Variants in SLC4A4 observed in about 807,000 individuals in gnomAD.
The protein encoded by SLC4A4 is solute carrier family 4 member 4, also known as electrogenic sodium bicarbonate cotransporter 1.
Under a neutral mutation model 111.5 loss-of-function variants are expected in SLC4A4, and 27 were observed. The ratio of observed to expected loss-of-function variants is 0.24; its 90% CI spans 0.18 to 0.33. The LOEUF (loss-of-function observed/expected upper bound fraction) is 0.33. Among genes scored for constraint, SLC4A4 ranks in the 10% least tolerant of loss-of-function variants. The probability of loss-of-function intolerance (pLI) is 1.00; values close to 1 mark genes in which losing one functional copy is unlikely to be tolerated. For synonymous variants in SLC4A4, 443 were observed against 463.4 expected, an observed-to-expected ratio of 0.96 and a Z score of 0.57; for missense variants, 909 against 1,315.5, an observed-to-expected ratio of 0.69 and a Z score of 4.78.
intron 8 of SLC4A4, among the ~76,000 whole-genome samples, chr4:71,446,093 G>A (rs533934368): frequency 2.4e-4 from 36 of 152,110 alleles, no homozygotes; most frequent in African/African-American, 8.2e-4. Context: ...GGTTATTCTG[G>A]TATAAAACCT....
At chr4:71,176,083 C>G (rs749651262) in intron 2 of SLC4A4, among the ~76,000 whole-genome samples, 1 of 152,204 alleles carries the variant, frequency 6.6e-6, no homozygotes, top group Non-Finnish European at 1.5e-5. Context: ...GAGTGGACCT[C>G]CAGTAAACTC....
intron 2 of SLC4A4, among the ~76,000 whole-genome samples, chr4:71,150,946 CA>C (rs1441563562): frequency 6.6e-6 from 1 of 152,164 alleles, no homozygotes; most frequent in African/African-American, 2.4e-5. Context: ...TTTGAAAGAC[CA>C]TGCCTCAAAT....
intron 1 of SLC4A4, among the ~76,000 whole-genome samples, chr4:71,085,619 C>T (rs745680471): frequency 6.6e-6 from 1 of 152,094 alleles, no homozygotes; most frequent in Non-Finnish European, 1.5e-5. Context: ...CAGCTTTCTA[C>T]ATATGGCTAG....
At chr4:71,196,493 T>C (rs1430256628) in intron 1 of SLC4A4, among the ~76,000 whole-genome samples, 2 of 152,198 alleles carry the variant, frequency 1.3e-5, no homozygotes, top group African/African-American at 4.8e-5. Context: ...CACTTACCTA[T>C]TTTTATTGCC....
rs1036696368 is a variant in SLC4A4, at chr4:71,069,892, T to A, written c.-65+7104T>A. 2.6e-5 allele frequency among the ~76,000 whole-genome samples: 4 copies of A among 152,350 alleles called. No homozygotes were observed. The East Asian group carries it at 7.7e-4, about 29-fold the overall frequency. ...TTTCTTAATGAATAAAATTAGTTTT[T>A]TTTTAGAGTTGATATTATGCTTTCC... On this transcript the variant is annotated intron_variant, in intron 1 of 26. Transcript: ENST00000649996.
intron 2 of SLC4A4, among the ~76,000 whole-genome samples, chr4:71,248,590 A>G (rs1048910222): frequency 2.0e-5 from 3 of 152,078 alleles, no homozygotes; most frequent in Non-Finnish European, 4.4e-5. Context: ...CCTGATTTCT[A>G]ATTTTGTTAA....
chr4:71,496,729 T>A (rs1278564860), intron 15 of SLC4A4, among the ~76,000 whole-genome samples: 3 of 152,032 alleles, frequency 2.0e-5, no homozygotes, highest in Non-Finnish European at 4.4e-5. Context: ...AAGAGTGAGC[T>A]GCTAGAGGGA....
intron 3 of SLC4A4, among the ~76,000 whole-genome samples, chr4:71,291,944 T>C (rs1417181129): frequency 6.6e-6 from 1 of 152,190 alleles, no homozygotes; most frequent in Non-Finnish European, 1.5e-5. Flanking sequence ...TTATGTGAGA[T>C]ATTTTGATAC....
At chr4:71,546,327 G>A (rs1735519417) in intron 18 of SLC4A4, 23 bp from the exon 19 acceptor site, 3 of 1,603,796 alleles carry the variant, frequency 1.9e-6, no homozygotes, top group Non-Finnish European at 1.7e-6. Context: ...TTCTTCACAT[G>A]GTTTTGTTAT....
intron 1 of SLC4A4, among the ~76,000 whole-genome samples, chr4:71,091,733 G>A (rs1490479278): frequency 6.6e-6 from 1 of 152,018 alleles, no homozygotes; most frequent in African/African-American, 2.4e-5. Context: ...CCCATCTTTG[G>A]GAAATACTAC....
intron 15 of SLC4A4, among the ~76,000 whole-genome samples, chr4:71,492,048 T>C (rs1729980237): frequency 6.6e-6 from 1 of 151,720 alleles, no homozygotes; most frequent in African/African-American, 2.4e-5. Context: ...ATTCATTTCA[T>C]GGGAAATGGA....
At chr4:71,102,406 A>C (rs2148946930) in intron 2 of SLC4A4, among the ~76,000 whole-genome samples, 1 of 151,070 alleles carries the variant, frequency 6.6e-6, no homozygotes, top group East Asian at 2.0e-4. Context: ...GTTCAGATTC[A>C]GGAAATACAG....
chr4:71,466,375 C>T, intron 12 of SLC4A4, 69 bp from the exon 13 acceptor site: 1 of 1,580,010 alleles, frequency 6.3e-7, no homozygotes, highest in Non-Finnish European at 8.7e-7. Flanking sequence ...GCTTTATTTG[C>T]CTAGTGACAT....
chr4:71,502,974 A>G (rs559972740), intron 16 of SLC4A4, among the ~76,000 whole-genome samples: 1 of 152,246 alleles, frequency 6.6e-6, no homozygotes, highest in African/African-American at 2.4e-5. Flanking sequence ...CCCTTTAGAT[A>G]GAATAATAAT....
At chr4:71,374,149 A>T (rs1732131181) in intron 6 of SLC4A4, among the ~76,000 whole-genome samples, 1 of 152,186 alleles carries the variant, frequency 6.6e-6, no homozygotes, top group African/African-American at 2.4e-5. Context: ...AACAACCACC[A>T]CATCACAACT....
chr4:71,223,011 T>C (rs1446853577), intron 1 of SLC4A4, among the ~76,000 whole-genome samples: 1 of 152,106 alleles, frequency 6.6e-6, no homozygotes, highest in East Asian at 1.9e-4. Flanking sequence ...TACTTGTGAA[T>C]TGGGGAATTT....
intron 2 of SLC4A4, among the ~76,000 whole-genome samples, chr4:71,178,422 T>C (rs1745164567): frequency 6.6e-6 from 1 of 151,890 alleles, no homozygotes; most frequent in East Asian, 1.9e-4. Flanking sequence ...CAGGAGCTGG[T>C]TTTTTGAAAA....
chr4:71,519,841 G>A (rs1004131195), intron 16 of SLC4A4, among the ~76,000 whole-genome samples: 16 of 151,954 alleles, frequency 1.1e-4, no homozygotes, highest in African/African-American at 3.6e-4. Context: ...GTAGAGACTG[G>A]GTTTCACCAT....
At chr4:71,172,598 C>CT (rs1218444286) in intron 2 of SLC4A4, among the ~76,000 whole-genome samples, 1 of 152,210 alleles carries the variant, frequency 6.6e-6, no homozygotes, top group Non-Finnish European at 1.5e-5. Context: ...TATGAATCTT[C>CT]TTTAAGTTTA....
Sources: allele counts gnomAD v4.1 joint callset (sites outside exome capture counted in the v4.1 genomes callset), GRCh38; gene constraint gnomAD v4.1.1; transcripts MANE v1.5; gene names NCBI Gene and HGNC (gene_info 2026-07-23, HGNC 2026-07-21).